The following IRF8 variants were observed in gnomAD, a reference collection of about 807,000 sequenced individuals.
IRF8 encodes interferon regulatory factor 8, also known as interferon consensus sequence binding protein 1.
In IRF8, 14 loss-of-function variants were observed where a neutral mutation model predicts 48.7. The ratio of observed to expected loss-of-function variants is 0.29; its 90% CI spans 0.19 to 0.45. The LOEUF (loss-of-function observed/expected upper bound fraction) is 0.45, where lower values mean the gene tolerates loss of function less well. Ranked by LOEUF, IRF8 falls within the 20% of genes least tolerant of loss-of-function variation. The pLI is 1.00. For synonymous variants in IRF8, 278 were observed against 227.3 expected, an observed-to-expected ratio of 1.22 and a Z score of -2.01; for missense variants, 493 against 580.7, an observed-to-expected ratio of 0.85 and a Z score of 1.55.
chr16:85,919,433 A>G (rs1905456293), intron 7 of IRF8, among the ~76,000 whole-genome samples: 1 of 152,184 alleles, frequency 6.6e-6, no homozygotes, highest in Non-Finnish European at 1.5e-5. Context: ...GTCAGGTCTC[A>G]GCTGCCACTG....
intron 6 of IRF8, among the ~76,000 whole-genome samples, chr16:85,915,250 C>T (rs558195032): frequency 3.3e-5 from 5 of 152,358 alleles, no homozygotes; most frequent in African/African-American, 1.2e-4. Context: ...GGCGTGGTGA[C>T]GGCATCTTCT....
At chr16:85,909,524 GA>G (rs773715304) in intron 3 of IRF8, 21 of 340,518 alleles carry the variant, frequency 6.2e-5, no homozygotes, top group Non-Finnish European at 1.1e-4. Context: ...GGTGACCACA[GA>G]AGGCCTGGAT....
chr16:85,921,250 T>C lies in IRF8; in HGVS notation c.1249T>C (p.Phe417Leu). Residue 417 changes from phenylalanine to leucine, a missense_variant, in exon 9 of 9, where the codon TTT (phenylalanine) becomes CTT (leucine). This residue lies in a region of IRF8 where 408 missense variants were observed against 449.6 expected (regional missense o/e 0.91). Transcript: ENST00000268638. ...TATTTGTGCCTCACACCAGAGATCA[T>C]TTTTCAGAGAAAACCAACAGATCAC... Reference protein sequence around the residue: ...PDICASHQRSFFRENQQITV With the variant: ...PDICASHQRSLFRENQQITV The C allele has an allele frequency of 1.2e-6, 2 of 1,614,122 alleles. No individual in the cohort carries two copies. Among genetic ancestry groups the C allele is most frequent in the Non-Finnish European group, 1.7e-6 (2 of 1,180,036 alleles).
In IRF8 at chr16:85,918,616, G is replaced by C; in HGVS notation, c.801G>C (p.Thr267=). 1 of 1,607,772 alleles carries C rather than the reference G, an allele frequency of 6.2e-7. No individual in the cohort carries two copies. Among genetic ancestry groups the C allele is most frequent in the Non-Finnish European group, 8.5e-7 (1 of 1,179,500 alleles). ...AIPSERQRQV[T]RKLFGHLERG... ...CCAGCGAGCGACAGAGGCAGGTGAC[G>C]CGGAAGCTGTTCGGGCACCTGGAGC... The change falls in exon 7 of 9, where the codon ACG becomes ACC. Residue 267 remains threonine (T), a synonymous_variant. Coordinates refer to ENST00000268638, the MANE Select transcript of IRF8 (RefSeq NM_002163.4).
intron 8 of IRF8, among the ~76,000 whole-genome samples, 170 bp downstream of exon 8, chr16:85,920,394 G>A (rs904758175): frequency 6.6e-6 from 1 of 152,016 alleles, no homozygotes; most frequent in Non-Finnish European, 1.5e-5. Flanking sequence ...CTACAGGCCC[G>A]TGCCACCACG....
In IRF8 at chr16:85,921,643, G is replaced by A; in HGVS notation, c.*361G>A. On this transcript the variant is annotated 3_prime_UTR_variant, in exon 9 of 9. Transcript: ENST00000268638. Reference sequence around the variant, plus strand: ...ATTAGCAGATAGCTGCTTCGATAAAGGAATTTGGAGTTTAAAAATCAACTT... The same window carrying A: ...ATTAGCAGATAGCTGCTTCGATAAAAGAATTTGGAGTTTAAAAATCAACTT... 3.7e-6 allele frequency: 1 copy of A among 267,028 alleles called. No homozygotes were observed. Among genetic ancestry groups the A allele is most frequent in the Non-Finnish European group, 7.3e-6 (1 of 137,094 alleles). The allele number at this position is 267,028 out of a possible 1,614,324, so 16.5% of individuals were successfully genotyped here. A position where few individuals can be genotyped will look rare whatever the true frequency, so the allele number is the denominator to read the frequency against.
chr16:85,909,258 A>C, intron 3 of IRF8, 85 bp downstream of exon 3: 1 of 1,086,228 alleles, frequency 9.2e-7, no homozygotes. Context: ...TGGGGTAGAC[A>C]CAGGGTCTGG....
chr16:85,909,776 C>T (rs529127550), intron 3 of IRF8: 1 of 157,776 alleles, frequency 6.3e-6, no homozygotes, highest in African/African-American at 2.4e-5. Context: ...TAAAATAAAT[C>T]CCAAAGTACT....
chr16:85,900,208 T>TG (rs1323172552), intron 1 of IRF8, among the ~76,000 whole-genome samples: 8 of 151,610 alleles, frequency 5.3e-5, no homozygotes, highest in South Asian at 2.1e-4. Context: ...GGGGAGAGGG[T>TG]GGGGTCTGCT....
intron 5 of IRF8, 91 bp downstream of exon 5, chr16:85,913,327 G>A: frequency 3.3e-6 from 3 of 906,638 alleles, no homozygotes; most frequent in Non-Finnish European, 5.5e-6. Context: ...GGTGGTTGTT[G>A]CTATCATGAT....
chr16:85,902,939 G>T, intron 1 of IRF8, 76 bp from the exon 2 acceptor site: 1 of 1,525,498 alleles, frequency 6.6e-7, no homozygotes, highest in Middle Eastern at 1.7e-4. Flanking sequence ...TGAGTTTCCT[G>T]TTAGCAGTTT....
At chr16:85,909,724 A>G (rs1905092583) in intron 3 of IRF8, 1 of 164,936 alleles carries the variant, frequency 6.1e-6, no homozygotes, top group Non-Finnish European at 1.3e-5. Context: ...GACAGATTAA[A>G]GCAGGACAGC....
chr16:85,907,931 ACC>A (rs1905051084), intron 2 of IRF8, among the ~76,000 whole-genome samples: 2 of 151,026 alleles, frequency 1.3e-5, no homozygotes, highest in Non-Finnish European at 3.0e-5. Context: ...AAAGTTACTT[ACC>A]TCTTGGAATT....
intron 3 of IRF8, among the ~76,000 whole-genome samples, chr16:85,910,076 G>C (rs1446661526): frequency 6.6e-6 from 1 of 152,216 alleles, no homozygotes; most frequent in African/African-American, 2.4e-5. Flanking sequence ...TGGGGGTGTT[G>C]ACTTAGAATT....
At chr16:85,907,708 TA>T (rs1905044719) in intron 2 of IRF8, among the ~76,000 whole-genome samples, 1 of 151,838 alleles carries the variant, frequency 6.6e-6, no homozygotes, top group African/African-American at 2.4e-5. Flanking sequence ...TAAATAAAAA[TA>T]AAAAATAAAA....
At chr16:85,902,837 C>T in intron 1 of IRF8, 178 bp from the exon 2 acceptor site, 1 of 695,006 alleles carries the variant, frequency 1.4e-6, no homozygotes, top group Non-Finnish European at 2.6e-6. Flanking sequence ...GCTGTGAGGT[C>T]ATGGAGGCCA....
At chr16:85,900,439 G>C (rs1299396346) in intron 1 of IRF8, among the ~76,000 whole-genome samples, 1 of 152,262 alleles carries the variant, frequency 6.6e-6, no homozygotes, top group African/African-American at 2.4e-5. Context: ...GTTTGTTAAT[G>C]TTTAATAAAT....
chr16:85,902,856 T>G (rs1904868220), intron 1 of IRF8, 159 bp from the exon 2 acceptor site: 3 of 770,670 alleles, frequency 3.9e-6, no homozygotes, highest in Non-Finnish European at 6.8e-6. Context: ...CAGCATTGCC[T>G]TCTCATGGCA....
intron 8 of IRF8, 103 bp from the exon 9 acceptor site, chr16:85,921,003 C>G (rs532183199): frequency 1.7e-6 from 2 of 1,149,868 alleles, no homozygotes; most frequent in Non-Finnish European, 2.5e-6. Context: ...TTGGGACTCA[C>G]GTGGCACTGG....
Sources: allele counts gnomAD v4.1 joint callset (sites outside exome capture counted in the v4.1 genomes callset), GRCh38; gene constraint gnomAD v4.1.1; regional missense constraint gnomAD v4.1.1; transcripts MANE v1.5; gene names NCBI Gene and HGNC (gene_info 2026-07-23, HGNC 2026-07-21).